Variants in PDE1A observed in about 807,000 individuals in gnomAD.
PDE1A encodes phosphodiesterase 1A.
A neutral mutation model predicts 61.7 loss-of-function variants in PDE1A; 35 were observed. The observed-to-expected ratio is 0.57, with a 90% CI of 0.43 to 0.75. PDE1A has a LOEUF of 0.75. Among genes scored for constraint, PDE1A ranks in the 30% least tolerant of loss-of-function variants. The probability of loss-of-function intolerance (pLI) is 0.00; values close to 1 mark genes in which losing one functional copy is unlikely to be tolerated. For synonymous variants in PDE1A, 232 were observed against 213.2 expected (o/e 1.09, Z -0.77); for missense variants, 597 against 630.6 (o/e 0.95, Z 0.57).
the PDE1A span, among the ~76,000 whole-genome samples, chr2:182,633,984 G>A: frequency 6.6e-6 from 1 of 152,186 alleles, no homozygotes; most frequent in African/African-American, 2.4e-5. Flanking sequence ...AGCTACTGAA[G>A]AAGCTGAGGC....
intron 13 of PDE1A, among the ~76,000 whole-genome samples, chr2:182,171,100 A>T (rs1692172293): frequency 6.6e-6 from 1 of 151,994 alleles, no homozygotes; most frequent in South Asian, 2.1e-4. Flanking sequence ...CTACTGAGAA[A>T]ATGTATGAGC....
In PDE1A at chr2:182,221,793, T is replaced by A. The variant is rs183197919; in HGVS notation, c.776+2071A>T. Among the ~76,000 whole-genome samples the A allele has an allele frequency of 1.3e-3, 203 of 152,108 alleles. 2 individuals are homozygous for A. Among genetic ancestry groups the A allele is most frequent in the African/African-American group, 4.8e-3 (199 of 41,504 alleles). On this transcript the variant is annotated intron_variant, in intron 7 of 13. Coordinates refer to ENST00000351439, the Ensembl canonical transcript of PDE1A. The stretch of plus-strand genomic sequence containing the variant: ...ATAAGAACTGGATTGACAGTGAGTG[T>A]CCCTTTTCTCACTCCTCAATTCTGC...
chr2:182,562,291 T>A, the PDE1A span, among the ~76,000 whole-genome samples: 2 of 151,460 alleles, frequency 1.3e-5, no homozygotes, highest in African/African-American at 4.8e-5. Context: ...TCAAAGGCCT[T>A]TTCTGCATCT....
chr2:182,680,591 A>T, the PDE1A span, among the ~76,000 whole-genome samples: 2 of 152,202 alleles, frequency 1.3e-5, no homozygotes, highest in African/African-American at 4.8e-5. Context: ...TTTGCTTGTG[A>T]AAGTGTATGT....
intron 2 of PDE1A, among the ~76,000 whole-genome samples, chr2:182,501,571 C>G (rs769370047): frequency 7.6e-4 from 115 of 152,194 alleles, no homozygotes; most frequent in Non-Finnish European, 1.4e-3. Context: ...AATAAAATCT[C>G]CTACCATATA....
the PDE1A span, among the ~76,000 whole-genome samples, chr2:182,577,021 A>C: frequency 6.6e-6 from 1 of 152,172 alleles, no homozygotes; most frequent in Non-Finnish European, 1.5e-5. Context: ...ATTTTTTCCA[A>C]TTCCATGAGT....
chr2:182,687,271 G>A, the PDE1A span, among the ~76,000 whole-genome samples: 9 of 152,282 alleles, frequency 5.9e-5, no homozygotes, highest in African/African-American at 2.2e-4. Flanking sequence ...AGCCTTTCTG[G>A]GAGGCACCCC....
intron 1 of PDE1A, among the ~76,000 whole-genome samples, chr2:182,409,585 AG>A (rs1702494483): frequency 6.6e-6 from 1 of 152,168 alleles, no homozygotes; most frequent in African/African-American, 2.4e-5. Flanking sequence ...AACAAGTTAC[AG>A]GTGCTATGAA....
intron 1 of PDE1A, among the ~76,000 whole-genome samples, chr2:182,348,803 G>A (rs2125087293): frequency 6.6e-6 from 1 of 151,588 alleles, no homozygotes; most frequent in South Asian, 2.1e-4. Flanking sequence ...GAGGGTAATT[G>A]AACCTTATTC....
At position 182,295,113 on chromosome 2, in the gene PDE1A, G is replaced by C. The variant is rs1277704631; in HGVS notation, c.54-30699C>G. Among the ~76,000 whole-genome samples the C allele has an allele frequency of 3.5e-5, 4 of 113,820 alleles. No individual in the cohort carries two copies. In the East Asian group the frequency reaches 1.1e-3, roughly 31 times the overall value. The allele number at this position is 113,820 out of a possible 152,430, so 74.7% of individuals were successfully genotyped here. A position where few individuals can be genotyped will look rare whatever the true frequency, so the allele number is the denominator to read the frequency against. The stretch of plus-strand genomic sequence containing the variant: ...GATGGAGTCTCGCTCTGTCGCCCAG[G>C]CCAGACTGCGGACTGCAGTGGCGCA... On this transcript the variant is annotated intron_variant, in intron 1 of 13. Transcript: ENST00000351439.
chr2:182,384,963 C>G (rs928900995), intron 1 of PDE1A, among the ~76,000 whole-genome samples: 5 of 152,100 alleles, frequency 3.3e-5, no homozygotes, highest in Non-Finnish European at 7.4e-5. Context: ...TCCAGTACAG[C>G]TAGGAGCAGA....
chr2:182,414,803 G>A (rs10497599), intron 1 of PDE1A, among the ~76,000 whole-genome samples: 13,936 of 152,116 alleles, frequency 0.092, 878 homozygotes, highest in Non-Finnish European at 0.14. Flanking sequence ...TTGGTAGGCA[G>A]GAAGAAGGAT....
chr2:182,603,601 C>T, the PDE1A span, among the ~76,000 whole-genome samples: 2 of 152,162 alleles, frequency 1.3e-5, no homozygotes, highest in South Asian at 2.1e-4. Flanking sequence ...CCGCCCACCT[C>T]GGCCTCCCAA....
intron 1 of PDE1A, among the ~76,000 whole-genome samples, chr2:182,281,595 C>G (rs756082945): frequency 3.9e-5 from 6 of 151,956 alleles, no homozygotes; most frequent in African/African-American, 1.4e-4. Flanking sequence ...AATAACTGTG[C>G]ATACTCTATG....
Position 182,218,982 on chromosome 2 carries a change from T to C in PDE1A, c.776+4882A>G, listed in dbSNP as rs567845772. ...TTCAGTCAGTGAATGAACAAACCCC[T>C]TTGTACCCATTCAAGAGTGTTGATA... On this transcript the variant is annotated intron_variant, in intron 7 of 13. Transcript: ENST00000351439. Among the ~76,000 whole-genome samples, 3 of 152,244 alleles carry C rather than the reference T, an allele frequency of 2.0e-5. No individual in the cohort carries two copies. In the East Asian group the frequency reaches 5.8e-4, roughly 29 times the overall value.
chr2:182,581,686 C>G, the PDE1A span, among the ~76,000 whole-genome samples: 1 of 152,122 alleles, frequency 6.6e-6, no homozygotes, highest in African/African-American at 2.4e-5. Flanking sequence ...GAAGAAAAAC[C>G]TGTACTTGGA....
chr2:182,385,939 C>T (rs550092926), intron 1 of PDE1A, among the ~76,000 whole-genome samples: 52 of 152,086 alleles, frequency 3.4e-4, no homozygotes, highest in Non-Finnish European at 6.3e-4. Context: ...GCTGCCATCT[C>T]GGCTCACTGC....
chr2:182,365,283 A>T (rs754682452), intron 1 of PDE1A, among the ~76,000 whole-genome samples: 1 of 151,984 alleles, frequency 6.6e-6, no homozygotes, highest in South Asian at 2.1e-4. Flanking sequence ...AGTCACGGTG[A>T]ATATAGGTGA....
intron 2 of PDE1A, among the ~76,000 whole-genome samples, chr2:182,506,443 C>T (rs528019484): frequency 1.1e-3 from 168 of 152,312 alleles, no homozygotes; most frequent in Non-Finnish European, 2.1e-3. Flanking sequence ...AATCAGCTCT[C>T]AGCTGCTAAA....
Sources: allele counts gnomAD v4.1 joint callset (sites outside exome capture counted in the v4.1 genomes callset), GRCh38; gene constraint gnomAD v4.1.1; transcripts MANE v1.5; gene names NCBI Gene and HGNC (gene_info 2026-07-23, HGNC 2026-07-21).